Variants in PRKAR1B observed in about 807,000 individuals in gnomAD.
PRKAR1B encodes the protein protein kinase cAMP-dependent type I regulatory subunit beta, also known as cAMP-dependent protein kinase type I-beta regulatory subunit.
Under a neutral mutation model 46.5 loss-of-function variants are expected in PRKAR1B, and 22 were observed. The ratio of observed to expected loss-of-function variants is 0.47; its 90% CI spans 0.34 to 0.68. The LOEUF (loss-of-function observed/expected upper bound fraction) is 0.68, where lower values mean the gene tolerates loss of function less well. Ranked by LOEUF, PRKAR1B falls within the 30% of genes least tolerant of loss-of-function variation. The probability of loss-of-function intolerance (pLI) is 0.01; values close to 1 mark genes in which losing one functional copy is unlikely to be tolerated. For missense variants in PRKAR1B, 445 were observed against 535.6 expected, an observed-to-expected ratio of 0.83 and a Z score of 1.67; for synonymous variants, 259 against 217.7, an observed-to-expected ratio of 1.19 and a Z score of -1.67.
At chr7:692,217 T>A (rs1045974269) in intron 2 of PRKAR1B, among the ~76,000 whole-genome samples, 2 of 152,300 alleles carry the variant, frequency 1.3e-5, no homozygotes, top group Admixed American at 1.3e-4. Context: ...CTGACCAACA[T>A]GGTGAAACCC....
At chr7:592,319 T>C (rs958752740) in intron 7 of PRKAR1B, among the ~76,000 whole-genome samples, 4 of 152,228 alleles carry the variant, frequency 2.6e-5, no homozygotes, top group South Asian at 4.1e-4. Flanking sequence ...AGCAGCGTCC[T>C]CGAGGCTACA....
At chr7:689,362 C>T (rs958235151) in intron 2 of PRKAR1B, among the ~76,000 whole-genome samples, 2 of 152,048 alleles carry the variant, frequency 1.3e-5, no homozygotes. Context: ...ACCTTGTGAT[C>T]CACCCACCTC....
At chr7:568,537 G>A (rs1363602136) in intron 9 of PRKAR1B, among the ~76,000 whole-genome samples, 1 of 152,234 alleles carries the variant, frequency 6.6e-6, no homozygotes, top group African/African-American at 2.4e-5. Flanking sequence ...CAAGGGCCCC[G>A]GCTTCACTCA....
At chr7:587,149 G>A (rs896097071) in intron 7 of PRKAR1B, among the ~76,000 whole-genome samples, 1 of 152,206 alleles carries the variant, frequency 6.6e-6, no homozygotes, top group African/African-American at 2.4e-5. Context: ...TGTCAGGAAA[G>A]AGAGATGGAC....
chr7:583,387 ACT>A (rs1325750405), intron 8 of PRKAR1B, among the ~76,000 whole-genome samples: 2 of 74,496 alleles, frequency 2.7e-5, no homozygotes, highest in South Asian at 3.0e-4. Flanking sequence ...ACATGTGCAC[ACT>A]CACACCCCCC....
intron 8 of PRKAR1B, among the ~76,000 whole-genome samples, chr7:582,587 G>T (rs1406105086): frequency 3.3e-5 from 5 of 152,278 alleles, no homozygotes; most frequent in Admixed American, 1.3e-4. Flanking sequence ...CGGCCAGGGC[G>T]TGCGACGGCC....
At chr7:721,401 C>T (rs972052326) in intron 1 of PRKAR1B, among the ~76,000 whole-genome samples, 3 of 152,158 alleles carry the variant, frequency 2.0e-5, no homozygotes, top group Admixed American at 6.5e-5. Flanking sequence ...AATCCCAGCA[C>T]TTTGGGGGGC....
chr7:597,967 T>C (rs1284714903), intron 6 of PRKAR1B, among the ~76,000 whole-genome samples: 1 of 152,190 alleles, frequency 6.6e-6, no homozygotes, highest in Non-Finnish European at 1.5e-5. Flanking sequence ...CAGGGGACTC[T>C]TCCCCAGAGG....
intron 4 of PRKAR1B, among the ~76,000 whole-genome samples, chr7:662,508 AC>A: frequency 1.7e-5 from 1 of 59,918 alleles, no homozygotes; most frequent in African/African-American, 6.8e-5. Context: ...ACAGGTCCCC[AC>A]CCCAACAGAT....
At chr7:664,907 G>C (rs7799762) in intron 4 of PRKAR1B, among the ~76,000 whole-genome samples, 24,453 of 152,032 alleles carry the variant, frequency 0.16, 2,160 homozygotes, top group South Asian at 0.29. Flanking sequence ...GAGCAAGACT[G>C]TGTCTCAAAA....
upstream of PRKAR1B, among the ~76,000 whole-genome samples, chr7:727,806 T>C (rs1458929166): frequency 3.1e-5 from 3 of 96,436 alleles, no homozygotes; most frequent in East Asian, 3.5e-4. Flanking sequence ...CCTCCCACCC[T>C]CCTCCCTGCC....
intron 4 of PRKAR1B, among the ~76,000 whole-genome samples, chr7:643,708 C>T (rs1393522831): frequency 2.6e-5 from 4 of 151,120 alleles, no homozygotes; most frequent in South Asian, 2.1e-4. Context: ...GGCGACAGAG[C>T]GAGACTCCAT....
chr7:726,449 C>T (rs1183406827), intron 1 of PRKAR1B, among the ~76,000 whole-genome samples: 2 of 152,276 alleles, frequency 1.3e-5, no homozygotes, highest in African/African-American at 2.4e-5. Context: ...GCCTATAGCC[C>T]GGGACCCGCA....
rs1231621044 is a variant in PRKAR1B at position 588,515 on chromosome 7, G to A, written c.709-3947C>T. 1.5e-4 allele frequency among the ~76,000 whole-genome samples: 22 copies of A among 146,224 alleles called. 2 individuals are homozygous for A. The highest frequency in any genetic ancestry group is 4.9e-4 in the African/African-American group (19 of 38,972). ...TGAGGATAGTGACAGTGGTGATCAC[G>A]ATGATGGTGGTGACGGTGGTGATGG... On this transcript the variant is annotated intron_variant, in intron 7 of 10. Transcript: ENST00000537384.
At chr7:559,217 G>T (rs556981322) in intron 9 of PRKAR1B, among the ~76,000 whole-genome samples, 1 of 152,324 alleles carries the variant, frequency 6.6e-6, no homozygotes, top group African/African-American at 2.4e-5. Context: ...CTGACGCCAG[G>T]AGAGCCGAGA....
At chr7:688,840 C>T (rs1779249975) in intron 2 of PRKAR1B, among the ~76,000 whole-genome samples, 1 of 152,222 alleles carries the variant, frequency 6.6e-6, no homozygotes, top group Non-Finnish European at 1.5e-5. Flanking sequence ...GTCTCCCTCA[C>T]TAGAATACTG....
At chr7:695,881 G>C (rs981026016) in intron 2 of PRKAR1B, among the ~76,000 whole-genome samples, 1 of 151,588 alleles carries the variant, frequency 6.6e-6, no homozygotes, top group Non-Finnish European at 1.5e-5. Context: ...AGCCATGATG[G>C]TCTCGATCTC....
intron 6 of PRKAR1B, 64 bp downstream of exon 6, chr7:606,129 G>T: frequency 6.5e-7 from 1 of 1,537,358 alleles, no homozygotes; most frequent in Non-Finnish European, 9.0e-7. Context: ...TGCCTGGAGG[G>T]CAAGTCTTCA....
chr7:636,425 T>C (rs573610181), intron 4 of PRKAR1B, among the ~76,000 whole-genome samples: 2 of 84,048 alleles, frequency 2.4e-5, no homozygotes, highest in South Asian at 3.5e-4. Flanking sequence ...CGCCCACACG[T>C]CCTCCACCGG....
Sources: allele counts gnomAD v4.1 joint callset (sites outside exome capture counted in the v4.1 genomes callset), GRCh38; gene constraint gnomAD v4.1.1; transcripts MANE v1.5; gene names NCBI Gene and HGNC (gene_info 2026-07-23, HGNC 2026-07-21).